PLCB1: variants seen among roughly 807,000 people sequenced by gnomAD.
The protein encoded by PLCB1 is 1-phosphatidylinositol 4,5-bisphosphate phosphodiesterase beta-1.
In PLCB1, 46 loss-of-function variants were observed where a neutral mutation model predicts 161.8. The ratio of observed to expected loss-of-function variants is 0.28; its 90% confidence interval spans 0.22 to 0.36. The LOEUF (loss-of-function observed/expected upper bound fraction) is 0.36, where lower values mean the gene tolerates loss of function less well. Ranked by LOEUF, PLCB1 falls within the 10% of genes least tolerant of loss-of-function variation. PLCB1 has a pLI of 1.00. For synonymous variants in PLCB1, 517 were observed against 503.7 expected (o/e 1.03, Z -0.35); for missense variants, 1,016 against 1,472.5 (o/e 0.69, Z 5.07).
At chr20:8,134,711 T>C (rs1413988825) in intron 1 of PLCB1, among the ~76,000 whole-genome samples, 2 of 151,906 alleles carry the variant, frequency 1.3e-5, no homozygotes, top group East Asian at 1.9e-4. Flanking sequence ...GGGTGATGCA[T>C]TGAGGGTAAT....
intron 3 of PLCB1, among the ~76,000 whole-genome samples, chr20:8,387,233 G>A (rs1987450464): frequency 6.6e-6 from 1 of 152,142 alleles, no homozygotes; most frequent in Non-Finnish European, 1.5e-5. Flanking sequence ...TCCTCACTCA[G>A]CTTAATCTTT....
At chr20:8,587,684 C>A (rs1007471015) in intron 3 of PLCB1, among the ~76,000 whole-genome samples, 3 of 152,052 alleles carry the variant, frequency 2.0e-5, no homozygotes, top group African/African-American at 2.4e-5. Flanking sequence ...AACTGTCTTG[C>A]CTGAGATTAT....
intron 2 of PLCB1, among the ~76,000 whole-genome samples, chr20:8,275,113 G>C (rs60690122): frequency 1.3e-5 from 2 of 151,846 alleles, no homozygotes; most frequent in Admixed American, 1.3e-4. Flanking sequence ...AATATTTCAC[G>C]TTCTTTCTGA....
At chr20:8,570,763 A>G (rs779843701) in intron 3 of PLCB1, among the ~76,000 whole-genome samples, 6 of 152,216 alleles carry the variant, frequency 3.9e-5, no homozygotes, top group Non-Finnish European at 8.8e-5. Context: ...GAAAAATGGT[A>G]TGAAGTAACT....
At chr20:8,736,786 C>A (rs990439514) in intron 19 of PLCB1, among the ~76,000 whole-genome samples, 3 of 152,156 alleles carry the variant, frequency 2.0e-5, no homozygotes, top group African/African-American at 7.2e-5. Flanking sequence ...AATCCAATCA[C>A]CCTCCCCAAA....
At chr20:8,308,014 T>C (rs1312277217) in intron 2 of PLCB1, among the ~76,000 whole-genome samples, 1 of 152,032 alleles carries the variant, frequency 6.6e-6, no homozygotes, top group Non-Finnish European at 1.5e-5. Flanking sequence ...GTCTGCATTA[T>C]AGAGAACTTT....
At chr20:8,277,652 T>C (rs1400519004) in intron 2 of PLCB1, among the ~76,000 whole-genome samples, 2 of 152,196 alleles carry the variant, frequency 1.3e-5, no homozygotes, top group African/African-American at 2.4e-5. Context: ...TTCCTAAGCA[T>C]GTTAATGTTT....
At chr20:8,848,482 T>A (rs759029911) in intron 31 of PLCB1, among the ~76,000 whole-genome samples, 1 of 145,092 alleles carries the variant, frequency 6.9e-6, no homozygotes, top group East Asian at 2.3e-4. Context: ...AATTCAGATA[T>A]GATTGAAAGG....
intron 2 of PLCB1, among the ~76,000 whole-genome samples, chr20:8,166,557 A>T (rs576793090): frequency 6.6e-6 from 1 of 152,194 alleles, no homozygotes; most frequent in South Asian, 2.1e-4. Context: ...TCCCAATTTC[A>T]TATCACCTTC....
At chr20:8,756,418 G>A (rs1013943273) in intron 23 of PLCB1, among the ~76,000 whole-genome samples, 1 of 152,106 alleles carries the variant, frequency 6.6e-6, no homozygotes, top group Non-Finnish European at 1.5e-5. Context: ...CCATCACATC[G>A]ATTAGCTCAT....
rs140336746 is a variant in PLCB1 at position 8,386,542 on chromosome 20, C to T, written c.246+15092C>T. ...TTTGTTGTGCTGTTTATAGAGCTCA[C>T]GTGAAATAGGTTTAGCATAATTCTT... On this transcript the variant is annotated intron_variant, in intron 3 of 31. Coordinates refer to ENST00000338037, the MANE Select transcript of PLCB1 (RefSeq NM_015192.4). Among the ~76,000 whole-genome samples the T allele has an allele frequency of 2.0e-3, 303 of 152,250 alleles. 4 individuals are homozygous for T. The highest frequency in any genetic ancestry group is 6.8e-3 in the African/African-American group (284 of 41,538).
intron 2 of PLCB1, among the ~76,000 whole-genome samples, chr20:8,270,016 T>C (rs1164571441): frequency 3.3e-5 from 5 of 152,156 alleles, no homozygotes; most frequent in Admixed American, 2.6e-4. Flanking sequence ...ACTGCATCAG[T>C]GGTAAAATTC....
chr20:8,312,234 C>T (rs1984435386), intron 2 of PLCB1, among the ~76,000 whole-genome samples: 2 of 152,104 alleles, frequency 1.3e-5, no homozygotes, highest in Non-Finnish European at 2.9e-5. Context: ...ATCCCCTCTC[C>T]CCGCCTCCTC....
At chr20:8,715,299 C>T (rs1979243488) in intron 12 of PLCB1, among the ~76,000 whole-genome samples, 1 of 152,164 alleles carries the variant, frequency 6.6e-6, no homozygotes, top group Admixed American at 6.5e-5. Flanking sequence ...TGAATGTTCC[C>T]CTATATCAGC....
At chr20:8,532,206 C>CCA (rs1984840585) in intron 3 of PLCB1, among the ~76,000 whole-genome samples, 2 of 152,060 alleles carry the variant, frequency 1.3e-5, no homozygotes, top group Non-Finnish European at 1.5e-5. Context: ...ACAAAATGAG[C>CCA]GTTTAAACTG....
At chr20:8,416,526 G>A (rs1004436213) in intron 3 of PLCB1, among the ~76,000 whole-genome samples, 1 of 152,100 alleles carries the variant, frequency 6.6e-6, no homozygotes. Context: ...GTAATTTACT[G>A]TCCCTTTGGA....
chr20:8,343,979 A>G (rs1289902021), intron 2 of PLCB1, among the ~76,000 whole-genome samples: 3 of 152,130 alleles, frequency 2.0e-5, no homozygotes, highest in African/African-American at 7.2e-5. Context: ...TCCATGTCCA[A>G]TGTCTTGAGA....
rs115649939 is a variant in PLCB1 at position 8,477,659 on chromosome 20, G to A, written c.246+106209G>A. Among the ~76,000 whole-genome samples the A allele has an allele frequency of 5.9e-4, 90 of 152,316 alleles. 2 individuals carry two copies. Among genetic ancestry groups the A allele is most frequent in the African/African-American group, 1.9e-3 (78 of 41,566 alleles). ...GAAGCTTTCACTCATGGCAGAAGGC[G>A]AATAGGGAGCAGGTGTGTCACATAG... On this transcript the variant is annotated intron_variant, in intron 3 of 31. Transcript: ENST00000338037.
chr20:8,473,044 C>T (rs1001903828), intron 3 of PLCB1, among the ~76,000 whole-genome samples: 11 of 152,228 alleles, frequency 7.2e-5, no homozygotes, highest in South Asian at 6.2e-4. Context: ...AGAGTATGGA[C>T]GGTCACCAGT....
Sources: gnomAD v4.1 joint callset for allele counts (sites outside exome capture counted in the v4.1 genomes callset) on GRCh38, gnomAD v4.1.1 for gene constraint, MANE v1.5 for transcripts, NCBI Gene and HGNC (gene_info 2026-07-23, HGNC 2026-07-21) for gene names.